RBFOX1: variants seen among roughly 807,000 people sequenced by gnomAD.
RBFOX1 encodes RNA binding fox-1 homolog 1, also known as RNA binding protein fox-1 homolog 1.
In RBFOX1, 8 loss-of-function variants were observed where a neutral mutation model predicts 57.7. The observed-to-expected ratio is 0.14, with a 90% CI of 0.08 to 0.25. The LOEUF is 0.25. Among genes scored for constraint, RBFOX1 ranks in the 10% least tolerant of loss-of-function variants. The probability of loss-of-function intolerance (pLI) is 1.00; values close to 1 mark genes in which losing one functional copy is unlikely to be tolerated. For missense variants in RBFOX1, 611 were observed against 548.5 expected (o/e 1.11, Z -1.14); for synonymous variants, 326 against 222.4 (o/e 1.47, Z -4.15).
chr16:5,269,329 C>T (rs2062945047), intron 1 of RBFOX1, among the ~76,000 whole-genome samples: 1 of 152,220 alleles, frequency 6.6e-6, no homozygotes, highest in African/African-American at 2.4e-5. Flanking sequence ...TTTTCATGTG[C>T]TTATTGGCCA....
chr16:7,079,129 C>G (rs2058767667), intron 4 of RBFOX1, among the ~76,000 whole-genome samples: 1 of 151,978 alleles, frequency 6.6e-6, no homozygotes, highest in African/African-American at 2.4e-5. Flanking sequence ...TCAGCAGGAG[C>G]CATACATTGT....
At chr16:5,987,089 G>T (rs1286526587) in intron 4 of RBFOX1, among the ~76,000 whole-genome samples, 1 of 152,082 alleles carries the variant, frequency 6.6e-6, no homozygotes, top group Non-Finnish European at 1.5e-5. Context: ...TAGTGATATT[G>T]CCTTTTGAAT....
At chr16:6,842,444 C>T (rs892940657) in intron 3 of RBFOX1, among the ~76,000 whole-genome samples, 5 of 152,052 alleles carry the variant, frequency 3.3e-5, no homozygotes, top group Non-Finnish European at 1.5e-5. Context: ...GCTGACCTTG[C>T]TCTATATTTA....
At chr16:6,329,328 T>C (rs983375465) in intron 2 of RBFOX1, among the ~76,000 whole-genome samples, 1 of 152,206 alleles carries the variant, frequency 6.6e-6, no homozygotes, top group Non-Finnish European at 1.5e-5. Context: ...CTGCTAATTA[T>C]TACTCTTCTA....
intron 3 of RBFOX1, among the ~76,000 whole-genome samples, chr16:6,790,403 T>C: frequency 6.6e-6 from 1 of 152,064 alleles, no homozygotes. Flanking sequence ...CTGGCTGGTC[T>C]TGAACTCCTG....
intron 4 of RBFOX1, among the ~76,000 whole-genome samples, chr16:7,399,932 T>C (rs79544447): frequency 0.065 from 9,915 of 152,236 alleles, 426 homozygotes; most frequent in East Asian, 0.2. Context: ...GCTAACACTT[T>C]TCTGTGGGCG....
chr16:5,608,361 G>A (rs905285970), intron 3 of RBFOX1, among the ~76,000 whole-genome samples: 11 of 152,164 alleles, frequency 7.2e-5, no homozygotes, highest in African/African-American at 2.4e-4. Context: ...ATTCTGGGAA[G>A]CTCTGGAGGT....
chr16:6,919,244 A>C (rs985278149), intron 3 of RBFOX1, among the ~76,000 whole-genome samples: 25 of 152,106 alleles, frequency 1.6e-4, no homozygotes. Context: ...CAGCTTCCCA[A>C]AGTGCTGGGC....
intron 1 of RBFOX1, among the ~76,000 whole-genome samples, chr16:5,310,643 A>G (rs2064062410): frequency 6.6e-6 from 1 of 152,152 alleles, no homozygotes; most frequent in South Asian, 2.1e-4. Flanking sequence ...CCAATTTATG[A>G]ACAACTTGAA....
At chr16:5,875,223 G>A (rs2057574119) in intron 4 of RBFOX1, among the ~76,000 whole-genome samples, 1 of 152,164 alleles carries the variant, frequency 6.6e-6, no homozygotes, top group African/African-American at 2.4e-5. Flanking sequence ...AAATAACTGT[G>A]AATGCCTCCA....
intron 2 of RBFOX1, among the ~76,000 whole-genome samples, chr16:5,566,905 C>T (rs2046092937): frequency 2.0e-5 from 3 of 152,136 alleles, no homozygotes; most frequent in Non-Finnish European, 4.4e-5. Context: ...CACCACATAC[C>T]AAGTTGTTTT....
intron 3 of RBFOX1, among the ~76,000 whole-genome samples, chr16:5,823,093 C>T (rs2055912755): frequency 6.6e-6 from 1 of 152,174 alleles, no homozygotes; most frequent in African/African-American, 2.4e-5. Context: ...GAACTTTTCC[C>T]TCTTAGCGTA....
intron 3 of RBFOX1, among the ~76,000 whole-genome samples, chr16:6,899,183 ATGTG>A (rs751208007): frequency 3.9e-5 from 4 of 102,926 alleles, no homozygotes; most frequent in African/African-American, 1.3e-4. Context: ...TGTGTATAAT[ATGTG>A]TGTGAGTGCA....
intron 1 of RBFOX1, among the ~76,000 whole-genome samples, chr16:6,133,508 C>G (rs75444199): frequency 6.4e-4 from 97 of 152,308 alleles, no homozygotes; most frequent in African/African-American, 2.3e-3. Flanking sequence ...TCAGTCAACC[C>G]TGCCTTGATT....
intron 1 of RBFOX1, among the ~76,000 whole-genome samples, chr16:6,120,272 A>C (rs7197696): frequency 6.6e-6 from 1 of 152,110 alleles, no homozygotes; most frequent in African/African-American, 2.4e-5. Context: ...ACATGTTTTC[A>C]GTTCTTTTGG....
chr16:7,235,172 A>G (rs574664803), intron 4 of RBFOX1, among the ~76,000 whole-genome samples: 17 of 152,260 alleles, frequency 1.1e-4, no homozygotes, highest in Non-Finnish European at 4.4e-5. Flanking sequence ...TTGGCATCAT[A>G]TATTTTTAAA....
intron 4 of RBFOX1, among the ~76,000 whole-genome samples, chr16:5,985,691 T>C (rs2060272617): frequency 6.6e-6 from 1 of 152,072 alleles, no homozygotes; most frequent in African/African-American, 2.4e-5. Flanking sequence ...GGAAGGTGTT[T>C]GTGACTTTTA....
At chr16:5,477,919 C>G (rs1358693051) in intron 2 of RBFOX1, among the ~76,000 whole-genome samples, 2 of 152,156 alleles carry the variant, frequency 1.3e-5, no homozygotes, top group Non-Finnish European at 2.9e-5. Flanking sequence ...TGAAACTCAA[C>G]TTGCTCAGCC....
intron 2 of RBFOX1, among the ~76,000 whole-genome samples, chr16:6,511,141 C>G (rs2096247996): frequency 6.6e-6 from 1 of 152,084 alleles, no homozygotes; most frequent in Non-Finnish European, 1.5e-5. Flanking sequence ...AGTGTGCCTC[C>G]TGGTGTTACG....
Sources: gnomAD v4.1 joint callset for allele counts (sites outside exome capture counted in the v4.1 genomes callset) on GRCh38, gnomAD v4.1.1 for gene constraint, MANE v1.5 for transcripts, NCBI Gene and HGNC (gene_info 2026-07-23, HGNC 2026-07-21) for gene names.